Variants in SIL1 observed in about 807,000 individuals in gnomAD.
SIL1 encodes SIL1 nucleotide exchange factor.
Under a neutral mutation model 49.1 loss-of-function variants are expected in SIL1, and 40 were observed. That is an observed-to-expected ratio of 0.81 (90% confidence interval 0.63 to 1.06). The LOEUF (loss-of-function observed/expected upper bound fraction) is 1.06, where lower values mean the gene tolerates loss of function less well. Among genes scored for constraint, SIL1 ranks in the 50% least tolerant of loss-of-function variants. The probability of loss-of-function intolerance (pLI) is 0.00; values close to 1 mark genes in which losing one functional copy is unlikely to be tolerated. For synonymous variants in SIL1, 253 were observed against 250.8 expected (o/e 1.01, Z -0.08); for missense variants, 500 against 572.6 (o/e 0.87, Z 1.29).
rs756645768 is a variant in SIL1, at chr5:138,951,781, AAC to A, written c.864+5_864+6del. 6 of 1,613,626 alleles carry A rather than the reference AAC, an allele frequency of 3.7e-6. No individual in the cohort carries two copies. The South Asian group carries it at 4.4e-5, about 12-fold the overall frequency. On this transcript the variant is annotated splice_donor_5th_base_variant and intron_variant, in intron 8 of 9. Transcript: ENST00000394817. Reference sequence around the variant, plus strand: ...GGCTGGGCAGGAGGAAGGGCATGGAAACACACCTTCTTCTTTGCAGTGAGCGG... The same window carrying A: ...GGCTGGGCAGGAGGAAGGGCATGGAAACACCTTCTTCTTTGCAGTGAGCGG...
At chr5:138,994,597 T>C (rs1364470605) in intron 7 of SIL1, among the ~76,000 whole-genome samples, 1 of 152,234 alleles carries the variant, frequency 6.6e-6, no homozygotes, top group Non-Finnish European at 1.5e-5. Context: ...TCACAGAGTA[T>C]GCCTAAAATC....
intron 3 of SIL1, among the ~76,000 whole-genome samples, chr5:139,068,340 C>T (rs1769751829): frequency 6.6e-6 from 1 of 152,128 alleles, no homozygotes; most frequent in African/African-American, 2.4e-5. Flanking sequence ...AGCAAGTGAA[C>T]CTATGTCTAA....
rs140171020 is a variant in SIL1, at chr5:138,947,342, C to T, written c.1161G>A (p.Ala387=). The change falls in exon 10 of 10, where the codon GCG becomes GCA. Residue 387 remains alanine, a synonymous_variant. Transcript: ENST00000394817. This position sits in a 1 kb window ranked among gnomAD's most constrained non-coding sequence, Gnocchi z 4.1. The part of the protein sequence containing the change: ...GWCEITAHLL[A]LPEHDAREKV... Reference sequence around the variant, plus strand: ...TCTCACGGGCATCATGCTCGGGCAGCGCCAGGAGGTGGGCCGTGATCTCGC... The same window carrying T: ...TCTCACGGGCATCATGCTCGGGCAGTGCCAGGAGGTGGGCCGTGATCTCGC... 5.7e-5 allele frequency: 92 copies of T among 1,613,612 alleles called. No individual in the cohort carries two copies. The African/African-American group carries it at 1.0e-3, about 18-fold the overall frequency.
chr5:139,043,594 C>T (rs1034784517), intron 4 of SIL1, among the ~76,000 whole-genome samples: 4 of 152,132 alleles, frequency 2.6e-5, no homozygotes, highest in African/African-American at 9.7e-5. Flanking sequence ...AAGGTCAGCC[C>T]CTTCCACAGC....
chr5:139,020,601 G>A (rs1768498893), intron 7 of SIL1, among the ~76,000 whole-genome samples: 1 of 151,590 alleles, frequency 6.6e-6, no homozygotes, highest in South Asian at 2.1e-4. Context: ...ATGATGTGGT[G>A]CCTACATATC....
chr5:138,967,829 A>C (rs919160719), intron 7 of SIL1, among the ~76,000 whole-genome samples: 1 of 151,998 alleles, frequency 6.6e-6, no homozygotes, highest in Non-Finnish European at 1.5e-5. Flanking sequence ...ATATAAATAG[A>C]GTCTTGAGGA....
At chr5:139,015,769 A>G (rs1224285982) in intron 7 of SIL1, among the ~76,000 whole-genome samples, 1 of 152,224 alleles carries the variant, frequency 6.6e-6, no homozygotes, top group Non-Finnish European at 1.5e-5. Context: ...ATTGGTCAGA[A>G]CTGGGCCACA....
intron 1 of SIL1, chr5:139,133,374 T>C (rs1209289032): frequency 6.6e-6 from 1 of 152,216 alleles, no homozygotes; most frequent in Non-Finnish European, 1.5e-5. Flanking sequence ...GAGCAGATGT[T>C]TGGGGAGCAG....
chr5:139,008,949 G>A (rs966644960), intron 7 of SIL1, among the ~76,000 whole-genome samples: 1 of 151,120 alleles, frequency 6.6e-6, no homozygotes, highest in Non-Finnish European at 1.5e-5. Flanking sequence ...TTGATTTGGG[G>A]TGGAGAGTTC....
intron 3 of SIL1, among the ~76,000 whole-genome samples, chr5:139,083,279 C>T (rs1770133276): frequency 6.6e-6 from 1 of 152,200 alleles, no homozygotes; most frequent in African/African-American, 2.4e-5. Flanking sequence ...TACAAAAATA[C>T]ACAAACATTA....
chr5:139,010,455 T>C (rs1263923039), intron 7 of SIL1, among the ~76,000 whole-genome samples: 4 of 152,154 alleles, frequency 2.6e-5, no homozygotes, highest in Non-Finnish European at 5.9e-5. Context: ...AGCCTTCTTC[T>C]CTCAGCTCGT....
chr5:138,951,111 A>T (rs1279539122), intron 9 of SIL1, 60 bp downstream of exon 9: 1 of 1,561,422 alleles, frequency 6.4e-7, no homozygotes, highest in East Asian at 2.3e-5. Context: ...CTGTCTGTCC[A>T]TCCACCCAGA....
chr5:139,053,877 C>T (rs1398863269), intron 3 of SIL1, among the ~76,000 whole-genome samples: 1 of 152,248 alleles, frequency 6.6e-6, no homozygotes, highest in Non-Finnish European at 1.5e-5. Context: ...GCACTCACCA[C>T]AATCAGTAAT....
intron 7 of SIL1, among the ~76,000 whole-genome samples, chr5:138,996,516 T>A (rs1416782070): frequency 7.2e-6 from 1 of 138,176 alleles, no homozygotes; most frequent in Non-Finnish European, 1.6e-5. Flanking sequence ...TGTGCAGATT[T>A]TTTTTTTTTT....
intron 1 of SIL1, among the ~76,000 whole-genome samples, chr5:139,186,788 T>C (rs192452305): frequency 6.6e-6 from 1 of 152,286 alleles, no homozygotes; most frequent in Admixed American, 6.5e-5. Flanking sequence ...GTGCTGGGGA[T>C]TGGATGCATG....
chr5:139,001,409 CTCAT>C (rs1407181849), intron 7 of SIL1, among the ~76,000 whole-genome samples: 1 of 152,186 alleles, frequency 6.6e-6, no homozygotes, highest in Non-Finnish European at 1.5e-5. Flanking sequence ...CACAAGGATA[CTCAT>C]TGCAACATTG....
intron 3 of SIL1, among the ~76,000 whole-genome samples, chr5:139,108,481 G>A (rs13174479): frequency 0.27 from 41,335 of 152,130 alleles, 6,233 homozygotes; most frequent in Middle Eastern, 0.38. Flanking sequence ...CTTTGGGAAA[G>A]TTGAGGTACA....
chr5:139,055,672 CCCACGGTCTCCCTCTCCCTCTCTTT>C (rs1413889072), intron 3 of SIL1, among the ~76,000 whole-genome samples: 2 of 140,500 alleles, frequency 1.4e-5, no homozygotes, highest in East Asian at 4.3e-4. Context: ...TCTCCCTCTC[CCCACGGTCTCCCTCTCCCTCTCTTT>C]CCACGGTCTC....
chr5:139,051,318 A>T, intron 3 of SIL1: 1 of 488,800 alleles, frequency 2.0e-6, no homozygotes, highest in South Asian at 2.1e-5. Context: ...CCCAGTTAGA[A>T]CCTGCATATT....
Sources: gnomAD v4.1 joint callset for allele counts (sites outside exome capture counted in the v4.1 genomes callset) on GRCh38, gnomAD v4.1.1 for gene constraint, Gnocchi (gnomAD v3.1) non-coding constraint, MANE v1.5 for transcripts, NCBI Gene and HGNC (gene_info 2026-07-23, HGNC 2026-07-21) for gene names.